The following GSE1 variants were observed in gnomAD, a reference collection of about 807,000 sequenced individuals.
GSE1 encodes genetic suppressor element 1.
A neutral mutation model predicts 112.6 loss-of-function variants in GSE1; 32 were observed. The observed-to-expected ratio is 0.28, with a 90% CI of 0.21 to 0.38. The LOEUF (loss-of-function observed/expected upper bound fraction) is 0.38, where lower values mean the gene tolerates loss of function less well. GSE1 is among the 10% of genes least tolerant of loss of function. GSE1 has a pLI of 1.00. For missense variants in GSE1, 2,348 were observed against 1,699.2 expected, an observed-to-expected ratio of 1.38 and a Z score of -6.71; for synonymous variants, 1,115 against 735.6, an observed-to-expected ratio of 1.52 and a Z score of -8.35.
chr16:85,360,336 C>T (rs2047037568), intron 2 of GSE1, among the ~76,000 whole-genome samples: 1 of 152,142 alleles, frequency 6.6e-6, no homozygotes, highest in African/African-American at 2.4e-5. Flanking sequence ...CAACGGCTGA[C>T]CTGGCAAGCC....
intron 14 of GSE1, 33 bp from the exon 15 acceptor site, chr16:85,670,962 C>G (rs757795831): frequency 5.8e-6 from 8 of 1,384,298 alleles, no homozygotes; most frequent in Non-Finnish European, 8.2e-6. Flanking sequence ...CTCCTGCATA[C>G]GGAAAATACA....
chr16:85,267,051 G>C (rs748947951), intron 1 of GSE1, among the ~76,000 whole-genome samples: 10 of 152,348 alleles, frequency 6.6e-5, no homozygotes, highest in Admixed American at 1.3e-4. Context: ...TGGGCCTCTA[G>C]AGCAGGGGAT....
chr16:85,231,138 A>G (rs1156262437), intron 1 of GSE1, among the ~76,000 whole-genome samples: 1 of 147,342 alleles, frequency 6.8e-6, no homozygotes, highest in Non-Finnish European at 1.5e-5. Flanking sequence ...GGAAGGATGG[A>G]TGGATGGATG....
upstream of GSE1, chr16:85,555,304 C>G: frequency 1.2e-5 from 12 of 985,308 alleles, no homozygotes; most frequent in African/African-American, 1.7e-5. Context: ...TGCCCAGGCG[C>G]CAGAGCCCCC....
At chr16:85,617,470 G>A (rs760713680) in intron 1 of GSE1, among the ~76,000 whole-genome samples, 5 of 152,102 alleles carry the variant, frequency 3.3e-5, no homozygotes, top group South Asian at 2.1e-4. Context: ...CAGCTCGGGG[G>A]TCTCTCCTGG....
chr16:85,218,956 T>A (rs1488134846), intron 1 of GSE1, among the ~76,000 whole-genome samples: 1 of 152,174 alleles, frequency 6.6e-6, no homozygotes, highest in Non-Finnish European at 1.5e-5. Context: ...ATCGGCTCAC[T>A]GCAAGCTCCA....
intron 1 of GSE1, among the ~76,000 whole-genome samples, chr16:85,579,197 C>T (rs920686012): frequency 1.6e-4 from 24 of 151,942 alleles, no homozygotes; most frequent in South Asian, 2.1e-4. Context: ...CAACGCTGGT[C>T]GGGGTGGAGG....
chr16:85,182,124 G>A (rs1447570902), intron 1 of GSE1, among the ~76,000 whole-genome samples: 1 of 152,176 alleles, frequency 6.6e-6, no homozygotes, highest in African/African-American at 2.4e-5. Context: ...GACGCACGGT[G>A]GACAGCGAGG....
At chr16:85,325,322 T>C (rs892654424) in intron 1 of GSE1, among the ~76,000 whole-genome samples, 12 of 152,314 alleles carry the variant, frequency 7.9e-5, no homozygotes, top group African/African-American at 2.6e-4. Context: ...GCCTTGGGCC[T>C]GGACGGGCAC....
At chr16:85,292,489 C>A (rs2045252170) in intron 1 of GSE1, among the ~76,000 whole-genome samples, 1 of 152,096 alleles carries the variant, frequency 6.6e-6, no homozygotes, top group African/African-American at 2.4e-5. Flanking sequence ...CCACCACGTC[C>A]AGCTAATTTT....
chr16:85,403,233 C>T (rs1003527703), intron 2 of GSE1, among the ~76,000 whole-genome samples: 1 of 152,158 alleles, frequency 6.6e-6, no homozygotes, highest in Non-Finnish European at 1.5e-5. Flanking sequence ...AGAGAGGGCA[C>T]ACGCAATGGC....
At chr16:85,415,516 C>G (rs1179978023) in intron 2 of GSE1, among the ~76,000 whole-genome samples, 1 of 152,228 alleles carries the variant, frequency 6.6e-6, no homozygotes, top group Non-Finnish European at 1.5e-5. Context: ...ATCCCTGGCT[C>G]TGCTCCCCGA....
At chr16:85,641,461 C>T (rs950115055) in intron 2 of GSE1, among the ~76,000 whole-genome samples, 23 of 150,850 alleles carry the variant, frequency 1.5e-4, no homozygotes, top group African/African-American at 3.9e-4. Flanking sequence ...GGTGGAGCCT[C>T]GTTGGTGGAC....
chr16:85,634,213 C>G (rs770872004), intron 2 of GSE1, 81 bp downstream of exon 2: 4 of 974,824 alleles, frequency 4.1e-6, no homozygotes, highest in Non-Finnish European at 5.7e-6. Flanking sequence ...GCGGCGTGCA[C>G]GCTCACAGCA....
At chr16:85,530,420 C>T (rs1010965463) in intron 2 of GSE1, among the ~76,000 whole-genome samples, 2 of 152,038 alleles carry the variant, frequency 1.3e-5, no homozygotes, top group South Asian at 2.1e-4. Context: ...TTGGGGATGT[C>T]GGAAAGAAAT....
chr16:85,598,849 C>G (rs937555289), intron 1 of GSE1, among the ~76,000 whole-genome samples: 1 of 152,210 alleles, frequency 6.6e-6, no homozygotes, highest in Non-Finnish European at 1.5e-5. Flanking sequence ...GGACATGGCC[C>G]CTTGTTTGCT....
Position 85,655,008 on chromosome 16 carries a change from G to T in GSE1, c.797+17G>T, listed in dbSNP as rs80256882. ...GGCCTTCAGGTGAGGCATCCCCCACGCGCCCTCTCGTCTAGGTGCTGGCCT... is the reference window on the plus strand; with the variant it reads ...GGCCTTCAGGTGAGGCATCCCCCACTCGCCCTCTCGTCTAGGTGCTGGCCT... On this transcript the variant is annotated intron_variant, in intron 5 of 15. Coordinates refer to ENST00000253458, the MANE Select transcript of GSE1 (RefSeq NM_014615.5). 3 of 1,482,720 alleles carry T rather than the reference G, an allele frequency of 2.0e-6. No homozygotes were observed. The highest frequency in any genetic ancestry group is 2.8e-6 in the Non-Finnish European group (3 of 1,080,828). The allele number at this position is 1,482,720 out of a possible 1,614,324, so 91.8% of individuals were successfully genotyped here.
chr16:85,578,099 C>T (rs910256681), intron 1 of GSE1, among the ~76,000 whole-genome samples: 2 of 152,220 alleles, frequency 1.3e-5, no homozygotes, highest in Non-Finnish European at 2.9e-5. Context: ...ATTCCGGCCC[C>T]TCCCAGCTCT....
intron 2 of GSE1, among the ~76,000 whole-genome samples, chr16:85,417,015 C>T (rs181642457): frequency 2.0e-5 from 3 of 152,292 alleles, no homozygotes; most frequent in South Asian, 2.1e-4. Flanking sequence ...CCACCATGCC[C>T]GGCTAATTTT....
Sources: gnomAD v4.1 joint callset for allele counts (sites outside exome capture counted in the v4.1 genomes callset) on GRCh38, gnomAD v4.1.1 for gene constraint, MANE v1.5 for transcripts, NCBI Gene and HGNC (gene_info 2026-07-23, HGNC 2026-07-21) for gene names.